The following CHD6 variants were observed in gnomAD, a reference collection of about 807,000 sequenced individuals.
The protein encoded by CHD6 is ATP-dependent chromatin remodeler CHD6.
A neutral mutation model predicts 276.9 loss-of-function variants in CHD6; 50 were observed. The ratio of observed to expected loss-of-function variants is 0.18; its 90% CI spans 0.14 to 0.23. CHD6 has a LOEUF of 0.23. CHD6 is among the 10% of genes least tolerant of loss of function. The pLI, the probability that CHD6 is intolerant of heterozygous loss-of-function variation, is 1.00. For missense variants in CHD6, 2,564 were observed against 3,365.8 expected, an observed-to-expected ratio of 0.76 and a Z score of 5.89; for synonymous variants, 1,173 against 1,229.3, an observed-to-expected ratio of 0.95 and a Z score of 0.96.
At position 41,412,240 on chromosome 20, in the gene CHD6, C is replaced by T; in HGVS notation, c.7155G>A (p.Gln2385=). 6.2e-7 allele frequency: 1 copy of T among 1,614,212 alleles called. No individual in the cohort carries two copies. The part of the protein sequence containing the change: ...FGANFSDKPK[Q]RRPRCKEPGK... ...CAGGTTCTTTACAGCGTGGCCTCCTCTGCTTTGGTTTGTCTGAAAAATTCT... is the reference window on the plus strand; with the variant it reads ...CAGGTTCTTTACAGCGTGGCCTCCTTTGCTTTGGTTTGTCTGAAAAATTCT... The change falls in exon 36 of 37, where the codon CAG becomes CAA. Residue 2385 remains glutamine (Q), a synonymous_variant. Transcript: ENST00000373233.
At chr20:41,448,627 T>C (rs922548083) in intron 23 of CHD6, among the ~76,000 whole-genome samples, 1 of 152,190 alleles carries the variant, frequency 6.6e-6, no homozygotes, top group African/African-American at 2.4e-5. Context: ...CAAGCCGTTA[T>C]CGTGCTCTTG....
intron 1 of CHD6, among the ~76,000 whole-genome samples, chr20:41,559,235 C>A (rs1053144859): frequency 3.3e-5 from 5 of 151,940 alleles, no homozygotes; most frequent in African/African-American, 1.2e-4. Flanking sequence ...GGATTGAGCT[C>A]CTAGCAGGTG....
intron 1 of CHD6, among the ~76,000 whole-genome samples, chr20:41,586,940 A>G (rs2045601955): frequency 6.6e-6 from 1 of 152,248 alleles, no homozygotes; most frequent in Non-Finnish European, 1.5e-5. Flanking sequence ...CTGACTCAAT[A>G]TCATGTGAGG....
intron 1 of CHD6, among the ~76,000 whole-genome samples, chr20:41,594,220 C>T (rs991604675): frequency 1.2e-4 from 19 of 152,174 alleles, no homozygotes; most frequent in African/African-American, 4.1e-4. Context: ...AGCTCACTTC[C>T]ACTCTTTGCC....
Position 41,487,639 on chromosome 20 carries a change from C to A in CHD6, c.2001+26G>T, listed in dbSNP as rs768617546. 1.1e-5 allele frequency: 18 copies of A among 1,584,154 alleles called. No individual in the cohort carries two copies. The South Asian group carries it at 2.1e-4, about 18-fold the overall frequency. On this transcript the variant is annotated intron_variant, in intron 14 of 36. Coordinates refer to ENST00000373233, the MANE Select transcript of CHD6 (RefSeq NM_032221.5). ...GATGAAGATAACGATCACACTGTCTCCTCAATTCTTTGGGTCCCTAATTAC... is the reference window on the plus strand; with the variant it reads ...GATGAAGATAACGATCACACTGTCTACTCAATTCTTTGGGTCCCTAATTAC...
intron 28 of CHD6, 71 bp from the exon 29 acceptor site, chr20:41,425,465 G>GTTTTTA: frequency 7.0e-7 from 1 of 1,422,952 alleles, no homozygotes; most frequent in Non-Finnish European, 9.7e-7. Flanking sequence ...TTTTGGTTTT[G>GTTTTTA]TTTAAATAAA....
Position 41,402,144 on chromosome 20 carries a change from A to T in CHD6, c.*2449T>A, listed in dbSNP as rs1206306696. ...GATCAAGACCACAATTTATTATGTA[A>T]GACATGGGGTGAAGAATGGTCAAGG... On this transcript the variant is annotated 3_prime_UTR_variant, in exon 37 of 37. Coordinates refer to ENST00000373233, the MANE Select transcript of CHD6 (RefSeq NM_032221.5). 9.9e-6 allele frequency: 2 copies of T among 202,444 alleles called. No homozygotes were observed. The highest frequency in any genetic ancestry group is 4.6e-5 in the African/African-American group (2 of 43,610). 12.5% of individuals were successfully genotyped at this position (202,444 alleles called of 1,614,324 possible).
rs1042020026 is a variant in CHD6, at chr20:41,414,739, G to T, written c.6939+447C>A. On this transcript the variant is annotated intron_variant, in intron 34 of 36. Transcript: ENST00000373233. Reference sequence around the variant, plus strand: ...CACAGGAGCAAAGTGAGTCTCAGTTGTAGCCCAATATCACCCAGTAAGTCA... The same window carrying T: ...CACAGGAGCAAAGTGAGTCTCAGTTTTAGCCCAATATCACCCAGTAAGTCA... 6 of 770,190 alleles carry T rather than the reference G, an allele frequency of 7.8e-6. No homozygotes were observed. In the African/African-American group the frequency reaches 1.1e-4, roughly 14 times the overall value. 47.7% of individuals were successfully genotyped at this position (770,190 alleles called of 1,614,324 possible).
At position 41,529,728 on chromosome 20, in the gene CHD6, G is replaced by A. The variant is rs148259732; in HGVS notation, c.554+3322C>T. Reference sequence around the variant, plus strand: ...TTGGCCAGGTATAGCGCCAGAGATGGAAAGAGAGGGAGATGTCAGACCCCA... The same window carrying A: ...TTGGCCAGGTATAGCGCCAGAGATGAAAAGAGAGGGAGATGTCAGACCCCA... On this transcript the variant is annotated intron_variant, in intron 3 of 36. Transcript: ENST00000373233. Among the ~76,000 whole-genome samples, 906 of 152,184 alleles carry A rather than the reference G, an allele frequency of 6.0e-3. 7 individuals are homozygous for A. The highest frequency in any genetic ancestry group is 0.024 in the Middle Eastern group (7 of 294).
chr20:41,592,250 C>T (rs1226336661), intron 1 of CHD6, among the ~76,000 whole-genome samples: 3 of 152,176 alleles, frequency 2.0e-5, no homozygotes, highest in Middle Eastern at 3.4e-3. Context: ...GTATTCTCTA[C>T]CTAATTTCTT....
chr20:41,443,564 C>T (rs947016531), intron 25 of CHD6, among the ~76,000 whole-genome samples: 3 of 152,134 alleles, frequency 2.0e-5, no homozygotes, highest in Non-Finnish European at 2.9e-5. Context: ...TATTGATTTG[C>T]CTTACCGGGT....
At chr20:41,591,860 G>C (rs1356823681) in intron 1 of CHD6, among the ~76,000 whole-genome samples, 1 of 152,208 alleles carries the variant, frequency 6.6e-6, no homozygotes, top group African/African-American at 2.4e-5. Context: ...AGCCCTCTGG[G>C]AGGCCAAGGC....
chr20:41,582,315 T>C (rs554780547), intron 1 of CHD6, among the ~76,000 whole-genome samples: 8 of 152,200 alleles, frequency 5.3e-5, no homozygotes, highest in South Asian at 2.1e-4. Context: ...TGAGTAGAAA[T>C]AAAGGAGTAG....
intron 1 of CHD6, among the ~76,000 whole-genome samples, chr20:41,609,773 G>C (rs1229993264): frequency 1.3e-5 from 2 of 151,714 alleles, no homozygotes; most frequent in Non-Finnish European, 2.9e-5. Context: ...TGTATGATTA[G>C]ACTCACTTTG....
chr20:41,584,141 A>G (rs2045568399), intron 1 of CHD6, among the ~76,000 whole-genome samples: 1 of 152,158 alleles, frequency 6.6e-6, no homozygotes, highest in South Asian at 2.1e-4. Flanking sequence ...GGTTACAAGT[A>G]AAATGATGGA....
chr20:41,523,512 T>A (rs995945062), intron 3 of CHD6, among the ~76,000 whole-genome samples: 4 of 152,216 alleles, frequency 2.6e-5, no homozygotes, highest in African/African-American at 9.6e-5. Flanking sequence ...ATCAGTTATA[T>A]CATACATGTA....
chr20:41,469,604 T>G (rs545603319), intron 17 of CHD6, among the ~76,000 whole-genome samples: 1 of 152,344 alleles, frequency 6.6e-6, no homozygotes, highest in East Asian at 1.9e-4. Context: ...ATGGGAAACC[T>G]AGACAACACT....
chr20:41,541,235 T>C (rs2044936872), intron 2 of CHD6, among the ~76,000 whole-genome samples: 1 of 152,158 alleles, frequency 6.6e-6, no homozygotes, highest in Non-Finnish European at 1.5e-5. Flanking sequence ...CCCCGACTCA[T>C]AATGGTTTGA....
At chr20:41,415,107 A>G in intron 34 of CHD6, 79 bp downstream of exon 34, 1 of 1,502,626 alleles carries the variant, frequency 6.7e-7, no homozygotes, top group Non-Finnish European at 8.9e-7. Context: ...TCCACAAATT[A>G]TTTTGCGTCT....
Sources: gnomAD v4.1 joint callset for allele counts (sites outside exome capture counted in the v4.1 genomes callset) on GRCh38, gnomAD v4.1.1 for gene constraint, MANE v1.5 for transcripts, NCBI Gene and HGNC (gene_info 2026-07-23, HGNC 2026-07-21) for gene names.